The following TMEM135 variants were observed in gnomAD, a reference collection of about 807,000 sequenced individuals.
TMEM135 encodes peroxisomal membrane protein 52.
A neutral mutation model predicts 60.3 loss-of-function variants in TMEM135; 30 were observed. That is an observed-to-expected ratio of 0.50 (90% CI 0.37 to 0.68). The LOEUF (loss-of-function observed/expected upper bound fraction) is 0.68, where lower values mean the gene tolerates loss of function less well. Ranked by LOEUF, TMEM135 falls within the 30% of genes least tolerant of loss-of-function variation. TMEM135 has a pLI of 0.00. For synonymous variants in TMEM135, 190 were observed against 186.7 expected (o/e 1.02, Z -0.14); for missense variants, 468 against 548.8 (o/e 0.85, Z 1.47).
intron 6 of TMEM135, among the ~76,000 whole-genome samples, chr11:87,264,952 GTTATA>G (rs1941721843): frequency 6.6e-6 from 1 of 151,856 alleles, no homozygotes; most frequent in Non-Finnish European, 1.5e-5. Flanking sequence ...GTAGAATATA[GTTATA>G]TTATAGGTTA....
At chr11:87,081,760 T>C (rs992768722) in intron 3 of TMEM135, among the ~76,000 whole-genome samples, 1 of 152,002 alleles carries the variant, frequency 6.6e-6, no homozygotes, top group African/African-American at 2.4e-5. Flanking sequence ...TTCTTAGACA[T>C]TGGTTGTTCA....
chr11:87,169,677 G>T (rs1939174952), intron 5 of TMEM135, among the ~76,000 whole-genome samples: 1 of 152,158 alleles, frequency 6.6e-6, no homozygotes, highest in South Asian at 2.1e-4. Context: ...CCTGCTGTTA[G>T]TCTGATGGAC....
At position 87,085,436 on chromosome 11, in the gene TMEM135, A is replaced by G. The variant is rs76487594; in HGVS notation, c.363-5926A>G. On this transcript the variant is annotated intron_variant, in intron 3 of 14. Coordinates refer to ENST00000305494, the MANE Select transcript of TMEM135 (RefSeq NM_022918.4). ...TAGAAGCCTGTTAGGATGCCATGTT[A>G]AACAAGCAAGTGAATTACAGAACTT... Among the ~76,000 whole-genome samples, 1,349 of 152,310 alleles carry G rather than the reference A, an allele frequency of 8.9e-3. 25 individuals are homozygous for G. The highest frequency in any genetic ancestry group is 0.03 in the African/African-American group (1,243 of 41,564).
intron 5 of TMEM135, among the ~76,000 whole-genome samples, chr11:87,233,573 C>G (rs1366311491): frequency 2.6e-5 from 4 of 152,022 alleles, no homozygotes; most frequent in Non-Finnish European, 5.9e-5. Flanking sequence ...TGAAATTGTA[C>G]ACTTTAAATA....
intron 1 of TMEM135, among the ~76,000 whole-genome samples, chr11:87,053,952 G>A (rs1949867347): frequency 1.3e-5 from 2 of 152,002 alleles, no homozygotes; most frequent in Admixed American, 6.6e-5. Context: ...TTTATCTTTG[G>A]ATACTAGGAA....
chr11:87,043,869 T>G (rs1352368785), intron 1 of TMEM135, among the ~76,000 whole-genome samples: 1 of 152,072 alleles, frequency 6.6e-6, no homozygotes, highest in Non-Finnish European at 1.5e-5. Flanking sequence ...GTTGAGATTC[T>G]TAGGTACCTT....
chr11:87,204,077 C>G (rs944647062), intron 5 of TMEM135, among the ~76,000 whole-genome samples: 4 of 151,862 alleles, frequency 2.6e-5, no homozygotes, highest in Admixed American at 6.6e-5. Context: ...CCATTCTGTA[C>G]CCTGTTCCTC....
At chr11:87,054,251 A>G (rs913906658) in intron 1 of TMEM135, among the ~76,000 whole-genome samples, 1 of 152,108 alleles carries the variant, frequency 6.6e-6, no homozygotes, top group Non-Finnish European at 1.5e-5. Flanking sequence ...CCTGGCCAAC[A>G]TGGTGAAACC....
At chr11:87,291,759 T>A (rs1043106336) in intron 6 of TMEM135, among the ~76,000 whole-genome samples, 6 of 151,958 alleles carry the variant, frequency 3.9e-5, no homozygotes, top group African/African-American at 1.5e-4. Flanking sequence ...GCCAGGCTGG[T>A]CTTAAACTCC....
intron 4 of TMEM135, among the ~76,000 whole-genome samples, chr11:87,143,984 A>G (rs1938336099): frequency 6.6e-6 from 1 of 152,152 alleles, no homozygotes; most frequent in African/African-American, 2.4e-5. Flanking sequence ...ATATTGTTTT[A>G]AATACTTTTG....
At position 87,044,496 on chromosome 11, in the gene TMEM135, C is replaced by T. The variant is rs577799983; in HGVS notation, c.141+6310C>T. Among the ~76,000 whole-genome samples the T allele has an allele frequency of 1.4e-4, 22 of 152,108 alleles. 1 individual carries two copies. Among genetic ancestry groups the T allele is most frequent in the African/African-American group, 4.8e-4 (20 of 41,426 alleles). ...TCTAGATTATCTGAGCTTTGGAGACCATGGAATTGTAAATGTGTGCATAAT... is the reference window on the plus strand; with the variant it reads ...TCTAGATTATCTGAGCTTTGGAGACTATGGAATTGTAAATGTGTGCATAAT... On this transcript the variant is annotated intron_variant, in intron 1 of 14. Coordinates refer to ENST00000305494, the MANE Select transcript of TMEM135 (RefSeq NM_022918.4).
chr11:87,238,425 G>T (rs146248767), intron 6 of TMEM135, among the ~76,000 whole-genome samples: 1,602 of 152,120 alleles, frequency 0.011, 11 homozygotes, highest in South Asian at 0.029. Context: ...GTCAAGGTAG[G>T]GAGGACTTGA....
At chr11:87,136,916 GGAAATGCCTTGTGTGGATCT>G (rs1938117946) in intron 4 of TMEM135, among the ~76,000 whole-genome samples, 1 of 151,912 alleles carries the variant, frequency 6.6e-6, no homozygotes, top group African/African-American at 2.4e-5. Context: ...GTCTGTTTTA[GGAAATGCCTTGTGTGGATCT>G]GAAAAGAGTA....
rs1416709664 is a variant in TMEM135 at position 87,157,414 on chromosome 11, G to A, written c.462+8G>A. ...ACATTAAGAAATGGAGAAGTAAGAT[G>A]AGAATTTTGATATAGTTATTAGTTG... On this transcript the variant is annotated splice_region_variant and intron_variant, in intron 5 of 14. Transcript: ENST00000305494. 1.9e-6 allele frequency: 3 copies of A among 1,608,856 alleles called. No homozygotes were observed. Among genetic ancestry groups the A allele is most frequent in the African/African-American group, 2.7e-5 (2 of 74,766 alleles).
intron 5 of TMEM135, among the ~76,000 whole-genome samples, chr11:87,190,924 T>G (rs1939783938): frequency 6.6e-6 from 1 of 152,238 alleles, no homozygotes; most frequent in African/African-American, 2.4e-5. Context: ...CATATCAACA[T>G]AACCACTACT....
intron 10 of TMEM135, among the ~76,000 whole-genome samples, chr11:87,311,609 A>G (rs1458244531): frequency 6.6e-6 from 1 of 151,928 alleles, no homozygotes; most frequent in Non-Finnish European, 1.5e-5. Context: ...TTCTGTTACT[A>G]TTTATTTACT....
At chr11:87,145,440 A>G (rs1938387734) in intron 4 of TMEM135, among the ~76,000 whole-genome samples, 1 of 152,302 alleles carries the variant, frequency 6.6e-6, no homozygotes, top group African/African-American at 2.4e-5. Context: ...TTTTGGGTGA[A>G]TACCCAGCAG....
chr11:87,298,312 A>G (rs1008820706), intron 7 of TMEM135, among the ~76,000 whole-genome samples: 1 of 152,222 alleles, frequency 6.6e-6, no homozygotes, highest in Non-Finnish European at 1.5e-5. Context: ...ATTGAAAGGA[A>G]TACAATCATA....
intron 1 of TMEM135, among the ~76,000 whole-genome samples, chr11:87,039,259 C>T (rs1949730820): frequency 6.6e-6 from 1 of 152,170 alleles, no homozygotes; most frequent in Admixed American, 6.5e-5. Flanking sequence ...TTTGAGGTTG[C>T]AGGCACCCAT....
Sources: gnomAD v4.1 joint callset for allele counts (sites outside exome capture counted in the v4.1 genomes callset) on GRCh38, gnomAD v4.1.1 for gene constraint, MANE v1.5 for transcripts, NCBI Gene and HGNC (gene_info 2026-07-23, HGNC 2026-07-21) for gene names.